CCDC148: variants seen among roughly 807,000 people sequenced by gnomAD.
CCDC148 encodes coiled-coil domain-containing protein 148.
A neutral mutation model predicts 85.7 loss-of-function variants in CCDC148; 89 were observed. That is an observed-to-expected ratio of 1.04 (90% CI 0.87 to 1.24). CCDC148 has a LOEUF of 1.24. Ranked by LOEUF, CCDC148 falls within the 50% of genes most tolerant of loss-of-function variation. The pLI, the probability that CCDC148 is intolerant of heterozygous loss-of-function variation, is 0.00. For synonymous variants in CCDC148, 230 were observed against 213.9 expected (o/e 1.08, Z -0.66); for missense variants, 692 against 671.7 (o/e 1.03, Z -0.33).
intron 9 of CCDC148, among the ~76,000 whole-genome samples, chr2:158,284,623 G>C (rs1185763595): frequency 6.6e-6 from 1 of 152,182 alleles, no homozygotes. Flanking sequence ...AATTAAAAAG[G>C]CTTCAAGCTT....
intron 11 of CCDC148, among the ~76,000 whole-genome samples, chr2:158,185,682 A>C (rs1480598437): frequency 6.6e-6 from 1 of 152,070 alleles, no homozygotes. Flanking sequence ...ATATTAGCTC[A>C]TTCCCCAAAC....
chr2:158,220,878 T>C (rs1687145198), intron 10 of CCDC148, among the ~76,000 whole-genome samples, 165 bp from the exon 11 acceptor site: 1 of 152,192 alleles, frequency 6.6e-6, no homozygotes, highest in Non-Finnish European at 1.5e-5. Flanking sequence ...AACAGAAAAA[T>C]AAATTAAAAC....
At chr2:158,374,342 TTC>T (rs1001469939) in intron 1 of CCDC148, among the ~76,000 whole-genome samples, 1 of 152,014 alleles carries the variant, frequency 6.6e-6, no homozygotes, top group African/African-American at 2.4e-5. Flanking sequence ...GCTATCTTAC[TTC>T]TCCAAGAGCT....
intron 1 of CCDC148, among the ~76,000 whole-genome samples, chr2:158,365,027 C>G (rs1007169978): frequency 1.2e-4 from 18 of 152,174 alleles, no homozygotes; most frequent in African/African-American, 4.1e-4. Flanking sequence ...GAAAAGAAGA[C>G]ATTTATGCAG....
At chr2:158,251,005 G>A (rs184594561) in intron 9 of CCDC148, 93 bp from the exon 10 acceptor site, 1 of 1,141,716 alleles carries the variant, frequency 8.8e-7, no homozygotes, top group African/African-American at 1.6e-5. Context: ...TCAAGCAGAT[G>A]TCACTTTTTT....
intron 13 of CCDC148, 40 bp downstream of exon 13, chr2:158,176,481 T>C (rs1300969614): frequency 6.2e-7 from 1 of 1,600,194 alleles, no homozygotes. Context: ...CTTACCATCA[T>C]CATGGCTTTT....
At chr2:158,346,360 T>C (rs576000402) in intron 2 of CCDC148, among the ~76,000 whole-genome samples, 1 of 152,326 alleles carries the variant, frequency 6.6e-6, no homozygotes, top group Non-Finnish European at 1.5e-5. Flanking sequence ...AACTTTTCTC[T>C]GAACAGTTCC....
rs764707328 is a variant in CCDC148 at position 158,338,867 on chromosome 2, C to G, written c.623G>C (p.Ser208Thr). Reference sequence around the variant, plus strand: ...ACTTTCTAATTCAATGGGCAGTTCACTAAGCGGGTTAGTCTTTTCTTCCAA... The same window carrying G: ...ACTTTCTAATTCAATGGGCAGTTCAGTAAGCGGGTTAGTCTTTTCTTCCAA... ...HSLEEKTNPL[S>T]ELPIELESLE... The change falls in exon 7 of 14, where the codon AGT becomes ACT. Residue 208 changes from serine to threonine, a missense_variant. Physicochemically the swap from Ser to Thr is moderately conservative, Grantham distance 58 (BLOSUM62 1). Transcript: ENST00000283233. The G allele has an allele frequency of 6.2e-7, 1 of 1,610,752 alleles. No individual in the cohort carries two copies. Among genetic ancestry groups the G allele is most frequent in the East Asian group, 2.2e-5 (1 of 44,796 alleles).
intron 8 of CCDC148, among the ~76,000 whole-genome samples, chr2:158,311,290 C>T (rs537772103): frequency 6.6e-5 from 10 of 152,288 alleles, no homozygotes; most frequent in East Asian, 5.8e-4. Context: ...GCCAACACGG[C>T]GAAACCCCGT....
chr2:158,294,838 A>G (rs975102629), intron 9 of CCDC148, among the ~76,000 whole-genome samples: 44 of 151,670 alleles, frequency 2.9e-4, no homozygotes, highest in African/African-American at 1.0e-3. Flanking sequence ...AAAAAACAAA[A>G]AAAAACCTGC....
At chr2:158,240,151 A>G (rs1688286613) in intron 10 of CCDC148, among the ~76,000 whole-genome samples, 1 of 150,360 alleles carries the variant, frequency 6.7e-6, no homozygotes, top group South Asian at 2.1e-4. Flanking sequence ...GATGGATGTT[A>G]GAGCCAAGCC....
chr2:158,280,433 T>C (rs2105174338), intron 9 of CCDC148, among the ~76,000 whole-genome samples: 1 of 152,206 alleles, frequency 6.6e-6, no homozygotes, highest in South Asian at 2.1e-4. Flanking sequence ...TGGAGGAAGA[T>C]GTACCAAGCA....
chr2:158,279,481 A>C (rs960568979), intron 9 of CCDC148, among the ~76,000 whole-genome samples: 2 of 152,254 alleles, frequency 1.3e-5, no homozygotes, highest in Non-Finnish European at 2.9e-5. Context: ...TGAAGAATGC[A>C]GAAGCCTCAG....
At chr2:158,214,936 A>C (rs1405451229) in intron 11 of CCDC148, among the ~76,000 whole-genome samples, 2 of 152,226 alleles carry the variant, frequency 1.3e-5, no homozygotes, top group Non-Finnish European at 2.9e-5. Context: ...ATACAAAAAA[A>C]ATCAACAACA....
At chr2:158,179,431 A>C (rs1034320187) in intron 11 of CCDC148, among the ~76,000 whole-genome samples, 1 of 152,094 alleles carries the variant, frequency 6.6e-6, no homozygotes, top group African/African-American at 2.4e-5. Flanking sequence ...TGCTGAGATT[A>C]CAGGAATTCA....
At chr2:158,314,610 A>G (rs1274229188) in intron 7 of CCDC148, among the ~76,000 whole-genome samples, 1 of 152,228 alleles carries the variant, frequency 6.6e-6, no homozygotes, top group Admixed American at 6.5e-5. Context: ...TTTCTAGACT[A>G]TTAGCAAAGT....
chr2:158,397,867 T>A (rs1417787475), intron 1 of CCDC148, among the ~76,000 whole-genome samples: 1 of 152,134 alleles, frequency 6.6e-6, no homozygotes, highest in African/African-American at 2.4e-5. Context: ...CCCATCAGTG[T>A]GCTGTATTCA....
intron 1 of CCDC148, among the ~76,000 whole-genome samples, chr2:158,390,581 T>C (rs1465890760): frequency 6.6e-6 from 1 of 152,122 alleles, no homozygotes; most frequent in Admixed American, 6.6e-5. Context: ...AAGCCTGAAG[T>C]CAGTCTTTAC....
At chr2:158,285,918 AAT>A (rs946622471) in intron 9 of CCDC148, among the ~76,000 whole-genome samples, 3 of 152,118 alleles carry the variant, frequency 2.0e-5, no homozygotes, top group African/African-American at 7.2e-5. Flanking sequence ...GCTTCTATTC[AAT>A]ACTGTAATGG....
Sources: allele counts gnomAD v4.1 joint callset (sites outside exome capture counted in the v4.1 genomes callset), GRCh38; gene constraint gnomAD v4.1.1; transcripts MANE v1.5; gene names NCBI Gene and HGNC (gene_info 2026-07-23, HGNC 2026-07-21).